The following AGMO variants were observed in gnomAD, a reference collection of about 807,000 sequenced individuals.
AGMO encodes the protein glyceryl-ether monooxygenase.
Under a neutral mutation model 60.2 loss-of-function variants are expected in AGMO, and 75 were observed. The observed-to-expected ratio is 1.25, with a 90% CI of 1.03 to 1.51. The LOEUF is 1.51. AGMO is among the 40% of genes most tolerant of loss of function. The probability of loss-of-function intolerance (pLI) is 0.00; values close to 1 mark genes in which losing one functional copy is unlikely to be tolerated. For missense variants in AGMO, 763 were observed against 525.5 expected, an observed-to-expected ratio of 1.45 and a Z score of -4.42; for synonymous variants, 261 against 177.1, an observed-to-expected ratio of 1.47 and a Z score of -3.76.
chr7:15,547,615 A>T (rs1784820952), intron 2 of AGMO, among the ~76,000 whole-genome samples: 1 of 152,138 alleles, frequency 6.6e-6, no homozygotes, highest in Non-Finnish European at 1.5e-5. Context: ...GGACCGGCTT[A>T]AAAAACGGCG....
chr7:15,229,269 G>A (rs975853942), intron 12 of AGMO, among the ~76,000 whole-genome samples: 1 of 151,938 alleles, frequency 6.6e-6, no homozygotes, highest in African/African-American at 2.4e-5. Context: ...TATAACCAGA[G>A]GGAGTATATA....
chr7:15,203,414 C>T (rs1781356204), intron 12 of AGMO, among the ~76,000 whole-genome samples: 1 of 152,096 alleles, frequency 6.6e-6, no homozygotes, highest in Admixed American at 6.6e-5. Context: ...AAAAATCTTC[C>T]CTTTTCCAAT....
At chr7:15,274,331 C>T (rs1000655866) in intron 12 of AGMO, among the ~76,000 whole-genome samples, 2 of 152,182 alleles carry the variant, frequency 1.3e-5, no homozygotes, top group Non-Finnish European at 2.9e-5. Flanking sequence ...GCATGAAGGG[C>T]TGTTGAATGT....
intron 10 of AGMO, among the ~76,000 whole-genome samples, chr7:15,372,803 C>A (rs1783271695): frequency 6.6e-6 from 1 of 152,100 alleles, no homozygotes. Flanking sequence ...GTTTATCTTT[C>A]ATATAAAGTA....
At chr7:15,172,103 A>G in the AGMO span, among the ~76,000 whole-genome samples, 1 of 152,174 alleles carries the variant, frequency 6.6e-6, no homozygotes, top group Non-Finnish European at 1.5e-5. Flanking sequence ...CAAGACTTAG[A>G]GCAGAAGCTC....
intron 12 of AGMO, among the ~76,000 whole-genome samples, chr7:15,364,995 G>T (rs770541565): frequency 1.2e-4 from 18 of 151,888 alleles, no homozygotes; most frequent in Admixed American, 2.6e-4. Context: ...AAAGTTCAAT[G>T]CAGTTCTTGG....
intron 3 of AGMO, among the ~76,000 whole-genome samples, chr7:15,527,227 A>T (rs1378301809): frequency 6.6e-6 from 1 of 152,222 alleles, no homozygotes; most frequent in Admixed American, 6.5e-5. Context: ...TCTTGTGGAA[A>T]GCAGCCAAGT....
chr7:15,467,546 C>G (rs1158151297), intron 3 of AGMO, among the ~76,000 whole-genome samples: 1 of 152,134 alleles, frequency 6.6e-6, no homozygotes, highest in Admixed American at 6.6e-5. Flanking sequence ...CACAAAAGGA[C>G]TAAAACTCCA....
chr7:15,367,909 G>C (rs1232165105), intron 10 of AGMO, among the ~76,000 whole-genome samples: 1 of 152,032 alleles, frequency 6.6e-6, no homozygotes, highest in Non-Finnish European at 1.5e-5. Flanking sequence ...CAACTCAACT[G>C]CATCTGTCCA....
chr7:15,242,279 C>CTTCTTG (rs1782613098), intron 12 of AGMO, among the ~76,000 whole-genome samples: 4 of 152,036 alleles, frequency 2.6e-5, no homozygotes, highest in Admixed American at 6.5e-5. Context: ...CTCTTGAACT[C>CTTCTTG]AAGAAGAATT....
chr7:15,323,776 T>G (rs535861807), intron 12 of AGMO, among the ~76,000 whole-genome samples: 1 of 152,298 alleles, frequency 6.6e-6, no homozygotes, highest in African/African-American at 2.4e-5. Flanking sequence ...CTCGTGGTAT[T>G]GTGCTAGATG....
chr7:15,322,387 G>A lies in AGMO; in HGVS notation c.1263+43127C>T, dbSNP rs1420188877. Among the ~76,000 whole-genome samples the A allele has an allele frequency of 5.1e-5, 7 of 138,288 alleles. 1 individual carries two copies. The highest frequency in any genetic ancestry group is 1.9e-4 in the African/African-American group (7 of 37,550). 90.7% of individuals were successfully genotyped at this position (138,288 alleles called of 152,430 possible). ...CAAGGGGTTGAAAAGAATAAAATAAGTTACCAAAACTGAGTAGTTCATATA... is the reference window on the plus strand; with the variant it reads ...CAAGGGGTTGAAAAGAATAAAATAAATTACCAAAACTGAGTAGTTCATATA... On this transcript the variant is annotated intron_variant, in intron 12 of 12. Transcript: ENST00000342526.
In AGMO at chr7:15,518,062, G is replaced by A. The variant is rs1410182172; in HGVS notation, c.409+26710C>T. 3.6e-4 allele frequency among the ~76,000 whole-genome samples: 55 copies of A among 152,180 alleles called. 1 individual carries two copies. Among genetic ancestry groups the A allele is most frequent in the Admixed American group, 3.6e-3 (55 of 15,274 alleles). On this transcript the variant is annotated intron_variant, in intron 3 of 12. Transcript: ENST00000342526. Reference sequence around the variant, plus strand: ...AAAAGCCACCAGGAATTTCGGACTGGGCGGAGCCTACCGCAGCTTGGCAAA... The same window carrying A: ...AAAAGCCACCAGGAATTTCGGACTGAGCGGAGCCTACCGCAGCTTGGCAAA...
At chr7:15,528,089 G>A (rs1784171972) in intron 3 of AGMO, among the ~76,000 whole-genome samples, 1 of 152,036 alleles carries the variant, frequency 6.6e-6, no homozygotes, top group Admixed American at 6.6e-5. Flanking sequence ...CAACTTTCCA[G>A]CCTTACTATT....
chr7:15,364,698 T>C (rs936015383), intron 12 of AGMO, among the ~76,000 whole-genome samples: 3 of 152,068 alleles, frequency 2.0e-5, no homozygotes, highest in Non-Finnish European at 4.4e-5. Context: ...TATCTCCAAA[T>C]TACCTCCAAA....
chr7:15,196,309 A>G (rs1036431667), downstream of AGMO, among the ~76,000 whole-genome samples: 8 of 152,164 alleles, frequency 5.3e-5, no homozygotes, highest in African/African-American at 1.9e-4. Flanking sequence ...TTGGCCTCCC[A>G]AAGTGTTGGG....
At chr7:15,411,832 A>G (rs1780618849) in intron 5 of AGMO, among the ~76,000 whole-genome samples, 1 of 152,082 alleles carries the variant, frequency 6.6e-6, no homozygotes, top group Admixed American at 6.6e-5. Flanking sequence ...TATTTAAAAG[A>G]TAAATAGAAT....
intron 5 of AGMO, among the ~76,000 whole-genome samples, chr7:15,411,447 T>A (rs1780602005): frequency 6.6e-6 from 1 of 151,946 alleles, no homozygotes; most frequent in Admixed American, 6.6e-5. Context: ...GGCACTTTAA[T>A]CCCAAAGGCC....
At chr7:15,253,027 G>C (rs995155997) in intron 12 of AGMO, among the ~76,000 whole-genome samples, 12 of 152,206 alleles carry the variant, frequency 7.9e-5, no homozygotes, top group South Asian at 2.1e-4. Context: ...AGATTCAAAA[G>C]AGTAGTGAAA....
Sources: gnomAD v4.1 joint callset for allele counts (sites outside exome capture counted in the v4.1 genomes callset) on GRCh38, gnomAD v4.1.1 for gene constraint, MANE v1.5 for transcripts, NCBI Gene and HGNC (gene_info 2026-07-23, HGNC 2026-07-21) for gene names.